Variants in PKIB observed in about 807,000 individuals in gnomAD.
The protein encoded by PKIB is cAMP-dependent protein kinase inhibitor beta, also known as PKI-beta.
Under a neutral mutation model 4.5 loss-of-function variants are expected in PKIB, and 2 were observed. The ratio of observed to expected loss-of-function variants is 0.44; its 90% CI spans 0.18 to 1.39. The LOEUF (loss-of-function observed/expected upper bound fraction) is 1.39. Among genes scored for constraint, PKIB ranks in the 40% most tolerant of loss-of-function variants. PKIB has a pLI of 0.27. For missense variants in PKIB, 94 were observed against 92.6 expected, an observed-to-expected ratio of 1.02 and a Z score of -0.06; for synonymous variants, 38 against 36.0, an observed-to-expected ratio of 1.06 and a Z score of -0.20.
chr6:122,504,898 C>A (rs947593560), intron 2 of PKIB, among the ~76,000 whole-genome samples: 2 of 152,002 alleles, frequency 1.3e-5, no homozygotes, highest in African/African-American at 2.4e-5. Flanking sequence ...CCGGTGGTAA[C>A]AAAGGAATGA....
chr6:122,550,768 A>G (rs905558047), intron 2 of PKIB, among the ~76,000 whole-genome samples: 4 of 152,094 alleles, frequency 2.6e-5, no homozygotes, highest in African/African-American at 7.2e-5. Context: ...TATTTTCTTC[A>G]TCCTGTCTTT....
At chr6:122,482,865 A>G (rs1775663339) in intron 2 of PKIB, 1 of 152,124 alleles carries the variant, frequency 6.6e-6, no homozygotes, top group South Asian at 2.1e-4. Flanking sequence ...GGTTGGATTT[A>G]AAGTCCAACT....
At chr6:122,653,069 A>G (rs1376939210) in intron 2 of PKIB, among the ~76,000 whole-genome samples, 3 of 152,148 alleles carry the variant, frequency 2.0e-5, no homozygotes, top group Non-Finnish European at 4.4e-5. Flanking sequence ...TAATTCTGCT[A>G]ATAGGTTTGG....
chr6:122,615,327 T>C (rs1252928401), intron 1 of PKIB, among the ~76,000 whole-genome samples: 1 of 152,130 alleles, frequency 6.6e-6, no homozygotes, highest in Non-Finnish European at 1.5e-5. Flanking sequence ...AAGCAAGAGA[T>C]GCTGAATGAG....
At chr6:122,648,011 A>C (rs1305737607) in intron 2 of PKIB, among the ~76,000 whole-genome samples, 1 of 152,244 alleles carries the variant, frequency 6.6e-6, no homozygotes, top group Non-Finnish European at 1.5e-5. Flanking sequence ...CCTGTGTTTC[A>C]GACAGGCTCA....
At chr6:122,552,230 G>A (rs143000551) in intron 2 of PKIB, among the ~76,000 whole-genome samples, 1 of 152,282 alleles carries the variant, frequency 6.6e-6, no homozygotes, top group East Asian at 1.9e-4. Flanking sequence ...CCTACAGTAT[G>A]AGTAGCTTCT....
chr6:122,591,806 G>A (rs1774028489), intron 3 of PKIB, among the ~76,000 whole-genome samples: 2 of 151,984 alleles, frequency 1.3e-5, no homozygotes, highest in South Asian at 2.1e-4. Context: ...CAACTTGCTG[G>A]GCTTAAGCAA....
intron 3 of PKIB, among the ~76,000 whole-genome samples, chr6:122,598,992 C>A (rs906941239): frequency 1.3e-5 from 2 of 152,158 alleles, no homozygotes; most frequent in South Asian, 2.1e-4. Context: ...TCAAACAGTT[C>A]TTTTCAAGTG....
At chr6:122,627,971 T>C (rs1775525801) in intron 1 of PKIB, among the ~76,000 whole-genome samples, 1 of 152,082 alleles carries the variant, frequency 6.6e-6, no homozygotes, top group South Asian at 2.1e-4. Flanking sequence ...TATTTTGTTA[T>C]GTATGGGATT....
intron 2 of PKIB, among the ~76,000 whole-genome samples, chr6:122,501,336 G>A: frequency 6.6e-6 from 1 of 152,180 alleles, no homozygotes; most frequent in East Asian, 1.9e-4. Flanking sequence ...GGATAAATTG[G>A]CCAAAACAAA....
chr6:122,633,975 C>CT (rs1775809652), intron 2 of PKIB, among the ~76,000 whole-genome samples: 3 of 59,332 alleles, frequency 5.1e-5, no homozygotes, highest in South Asian at 6.8e-4. Context: ...TCTATCTATC[C>CT]ATCTATCTAT....
chr6:122,492,876 A>G (rs1243584267), intron 2 of PKIB, among the ~76,000 whole-genome samples: 1 of 151,912 alleles, frequency 6.6e-6, no homozygotes, highest in African/African-American at 2.4e-5. Context: ...CCACAAAGGC[A>G]AGCCTTTTTG....
intron 2 of PKIB, among the ~76,000 whole-genome samples, chr6:122,537,636 C>A (rs749386131): frequency 6.6e-6 from 1 of 152,142 alleles, no homozygotes; most frequent in Admixed American, 6.5e-5. Context: ...CCACAATAAA[C>A]ATACGTGTGC....
chr6:122,517,762 T>C (rs1027340821), intron 2 of PKIB, among the ~76,000 whole-genome samples: 1 of 152,220 alleles, frequency 6.6e-6, no homozygotes, highest in African/African-American at 2.4e-5. Context: ...GGCATTTCCA[T>C]TTACAAAATA....
chr6:122,562,870 CA>C (rs1277400919), intron 2 of PKIB, among the ~76,000 whole-genome samples: 1 of 151,550 alleles, frequency 6.6e-6, no homozygotes, highest in African/African-American at 2.4e-5. Flanking sequence ...CTTCTGGTAT[CA>C]TTTTTTTTTT....
In PKIB at chr6:122,553,724, T is replaced by C. The variant is rs565563951; in HGVS notation, c.-247-32197T>C. Among the ~76,000 whole-genome samples the C allele has an allele frequency of 1.8e-3, 275 of 152,260 alleles. 2 individuals are homozygous for C. The highest frequency in any genetic ancestry group is 6.3e-3 in the African/African-American group (262 of 41,544). The stretch of plus-strand genomic sequence containing the variant: ...GAACGTGTTTAATTTTTAAGGAATC[T>C]AATTTACAGTTTCCTCCATAGAGAA... On this transcript the variant is annotated intron_variant, in intron 2 of 6. Transcript: ENST00000392491.
intron 2 of PKIB, among the ~76,000 whole-genome samples, chr6:122,668,545 A>G (rs939456030): frequency 6.6e-6 from 1 of 152,232 alleles, no homozygotes; most frequent in African/African-American, 2.4e-5. Context: ...CTTCAGAGAA[A>G]AAGCTAAAAT....
chr6:122,604,525 G>A (rs74367172), intron 3 of PKIB, among the ~76,000 whole-genome samples: 4,081 of 152,304 alleles, frequency 0.027, 99 homozygotes, highest in Non-Finnish European at 0.038. Flanking sequence ...GTGTCAAGTT[G>A]ATGAGTTTAT....
intron 1 of PKIB, among the ~76,000 whole-genome samples, chr6:122,473,111 A>G (rs1775352828): frequency 6.7e-6 from 1 of 149,730 alleles, no homozygotes; most frequent in East Asian, 2.0e-4. Flanking sequence ...ACTCCGTCTC[A>G]AAAAAAAAGA....
Sources: gnomAD v4.1 joint callset for allele counts (sites outside exome capture counted in the v4.1 genomes callset) on GRCh38, gnomAD v4.1.1 for gene constraint, MANE v1.5 for transcripts, NCBI Gene and HGNC (gene_info 2026-07-23, HGNC 2026-07-21) for gene names.